The following MLLT3 variants were observed in gnomAD, a reference collection of about 807,000 sequenced individuals.
MLLT3 encodes the protein protein AF-9.
A neutral mutation model predicts 53.2 loss-of-function variants in MLLT3; 4 were observed. The ratio of observed to expected loss-of-function variants is 0.08; its 90% CI spans 0.04 to 0.17. The LOEUF (loss-of-function observed/expected upper bound fraction) is 0.17. Among genes scored for constraint, MLLT3 ranks in the 10% least tolerant of loss-of-function variants. MLLT3 has a pLI of 1.00. For missense variants in MLLT3, 569 were observed against 684.0 expected (o/e 0.83, Z 1.87); for synonymous variants, 283 against 230.6 (o/e 1.23, Z -2.06).
intron 5 of MLLT3, among the ~76,000 whole-genome samples, chr9:20,383,935 C>T (rs1240585977): frequency 3.3e-5 from 5 of 151,910 alleles, no homozygotes; most frequent in Non-Finnish European, 5.9e-5. Context: ...CACAAATGAT[C>T]TATAGGTAAG....
intron 2 of MLLT3, among the ~76,000 whole-genome samples, chr9:20,595,711 C>T (rs1820243986): frequency 6.6e-6 from 1 of 152,236 alleles, no homozygotes; most frequent in South Asian, 2.1e-4. Flanking sequence ...TTGAAAGATA[C>T]AAAGTGTCAT....
chr9:20,369,860 AC>A (rs774416170), intron 5 of MLLT3, among the ~76,000 whole-genome samples: 4 of 151,860 alleles, frequency 2.6e-5, no homozygotes, highest in African/African-American at 4.8e-5. Flanking sequence ...TCCCCACCCT[AC>A]CCCCTAAGAA....
chr9:20,554,530 G>A (rs922701647), intron 2 of MLLT3, among the ~76,000 whole-genome samples: 2 of 152,030 alleles, frequency 1.3e-5, no homozygotes, highest in Non-Finnish European at 2.9e-5. Context: ...GATGCAATAA[G>A]AAAGAAAATC....
At chr9:20,612,367 C>T (rs1820723750) in intron 2 of MLLT3, among the ~76,000 whole-genome samples, 1 of 152,150 alleles carries the variant, frequency 6.6e-6, no homozygotes, top group African/African-American at 2.4e-5. Flanking sequence ...CTCCCTCAGT[C>T]TTTCACTGTA....
intron 2 of MLLT3, among the ~76,000 whole-genome samples, chr9:20,501,135 C>T (rs1825214061): frequency 6.6e-6 from 1 of 152,184 alleles, no homozygotes; most frequent in Non-Finnish European, 1.5e-5. Flanking sequence ...CTAGGAATTA[C>T]TATATTTCCC....
intron 2 of MLLT3, among the ~76,000 whole-genome samples, chr9:20,604,537 T>C (rs1041132439): frequency 2.6e-5 from 4 of 152,134 alleles, no homozygotes; most frequent in African/African-American, 7.2e-5. Context: ...TTTTCTGCTA[T>C]ACTACCTTCC....
At chr9:20,595,999 A>G (rs1820251718) in intron 2 of MLLT3, among the ~76,000 whole-genome samples, 1 of 152,210 alleles carries the variant, frequency 6.6e-6, no homozygotes, top group Admixed American at 6.5e-5. Flanking sequence ...AAAGCCACAT[A>G]TGTCTAGTGG....
intron 5 of MLLT3, among the ~76,000 whole-genome samples, chr9:20,400,342 T>C (rs1336568516): frequency 2.0e-5 from 3 of 152,144 alleles, no homozygotes; most frequent in Admixed American, 6.6e-5. Flanking sequence ...CTTTTACAAA[T>C]TGCAAGATGT....
At chr9:20,410,603 A>G (rs1822703899) in intron 5 of MLLT3, 1 of 152,120 alleles carries the variant, frequency 6.6e-6, no homozygotes, top group Admixed American at 6.6e-5. Flanking sequence ...CTCAAACACC[A>G]GCCAGACATA....
chr9:20,572,475 A>C (rs1819553121), intron 2 of MLLT3, among the ~76,000 whole-genome samples: 1 of 152,184 alleles, frequency 6.6e-6, no homozygotes, highest in African/African-American at 2.4e-5. Flanking sequence ...AAAAATATAT[A>C]GTTTGTTATT....
At position 20,462,052 on chromosome 9, in the gene MLLT3, C is replaced by T. The variant is rs138435622; in HGVS notation, c.194-5266G>A. 9.1e-3 allele frequency among the ~76,000 whole-genome samples: 1,393 copies of T among 152,298 alleles called. 11 individuals are homozygous for T. Among genetic ancestry groups the T allele is most frequent in the Non-Finnish European group, 0.013 (892 of 68,026 alleles). ...ATCCTGTTCAGCCCATCTCTCCGCA[C>T]CCAAACTGTTCTGCACAAGCATCTG... On this transcript the variant is annotated intron_variant, in intron 2 of 10. Transcript: ENST00000380338.
intron 5 of MLLT3, 94 bp from the exon 6 acceptor site, chr9:20,365,838 CA>C (rs1821437167): frequency 3.2e-6 from 4 of 1,260,536 alleles, no homozygotes; most frequent in East Asian, 4.8e-5. Flanking sequence ...CCATCCTCTG[CA>C]AAAACCGTGA....
intron 2 of MLLT3, among the ~76,000 whole-genome samples, chr9:20,499,898 C>G (rs1825176189): frequency 7.3e-6 from 1 of 137,782 alleles, no homozygotes; most frequent in East Asian, 2.2e-4. Context: ...GAACCTGTCT[C>G]TTAAAAAAAA....
Position 20,620,157 on chromosome 9 carries a change from G to A in MLLT3, c.193+497C>T, listed in dbSNP as rs1019928148. Among the ~76,000 whole-genome samples the A allele has an allele frequency of 4.0e-5, 6 of 151,756 alleles. No individual in the cohort carries two copies. The highest frequency in any genetic ancestry group is 3.9e-4 in the Admixed American group (6 of 15,240). ...CATACACAGACAGGAAAGCACAGAA[G>A]ACCCTAAAGAGAACCGACTTGCCAA... On this transcript the variant is annotated intron_variant, in intron 2 of 10. Coordinates refer to ENST00000380338, the MANE Select transcript of MLLT3 (RefSeq NM_004529.4). The surrounding 1 kb of genome is among the most constrained non-coding windows in gnomAD (Gnocchi z 6.1).
chr9:20,360,845 A>G lies in MLLT3; in HGVS notation c.1332-4T>C. The G allele has an allele frequency of 1.2e-6, 2 of 1,612,254 alleles. No homozygotes were observed. The highest frequency in any genetic ancestry group is 4.5e-5 in the East Asian group (2 of 44,876). ...GCTGCCATCACTTAAGCTAACTCTG[A>G]AAAGAAACAGACAAGTTATGCACAT... is the stretch of plus-strand genomic sequence containing the variant. On this transcript the variant is annotated splice_region_variant and splice_polypyrimidine_tract_variant and intron_variant, in intron 7 of 10. Coordinates refer to ENST00000380338, the MANE Select transcript of MLLT3 (RefSeq NM_004529.4).
intron 2 of MLLT3, among the ~76,000 whole-genome samples, chr9:20,570,024 G>C (rs926465139): frequency 6.6e-6 from 1 of 152,152 alleles, no homozygotes; most frequent in African/African-American, 2.4e-5. Flanking sequence ...TTCTATAAAT[G>C]AAAGATCCTC....
At chr9:20,347,816 A>C (rs1475642739) in intron 10 of MLLT3, among the ~76,000 whole-genome samples, 1 of 152,228 alleles carries the variant, frequency 6.6e-6, no homozygotes, top group African/African-American at 2.4e-5. Context: ...ATAATCTTAA[A>C]AAAGAGAATA....
At chr9:20,517,759 C>A (rs550732581) in intron 2 of MLLT3, among the ~76,000 whole-genome samples, 1 of 151,996 alleles carries the variant, frequency 6.6e-6, no homozygotes, top group African/African-American at 2.4e-5. Context: ...ATTGCTTGAA[C>A]CTGGAAGACG....
intron 2 of MLLT3, among the ~76,000 whole-genome samples, chr9:20,503,066 G>C (rs1378285011): frequency 6.6e-6 from 1 of 152,130 alleles, no homozygotes; most frequent in African/African-American, 2.4e-5. Context: ...ACACAAATAA[G>C]TGGAAAGACA....
Sources: allele counts gnomAD v4.1 joint callset (sites outside exome capture counted in the v4.1 genomes callset), GRCh38; gene constraint gnomAD v4.1.1; non-coding constraint Gnocchi (gnomAD v3.1); transcripts MANE v1.5; gene names NCBI Gene and HGNC (gene_info 2026-07-23, HGNC 2026-07-21).